The following EFCAB3 variants were observed in gnomAD, a reference collection of about 807,000 sequenced individuals.
EFCAB3 encodes EF-hand calcium-binding domain-containing protein 3.
A neutral mutation model predicts 42.2 loss-of-function variants in EFCAB3; 36 were observed. The observed-to-expected ratio is 0.85, with a 90% confidence interval of 0.65 to 1.13. The LOEUF is 1.13. Ranked by LOEUF, EFCAB3 falls within the 50% of genes most tolerant of loss-of-function variation. The probability of loss-of-function intolerance (pLI) is 0.00; values close to 1 mark genes in which losing one functional copy is unlikely to be tolerated. For synonymous variants in EFCAB3, 170 were observed against 172.8 expected, an observed-to-expected ratio of 0.98 and a Z score of 0.13; for missense variants, 418 against 505.1, an observed-to-expected ratio of 0.83 and a Z score of 1.65.
intron 2 of EFCAB3, among the ~76,000 whole-genome samples, chr17:62,387,040 C>T (rs140809034): frequency 6.9e-4 from 105 of 152,266 alleles, no homozygotes; most frequent in Admixed American, 1.4e-3. Context: ...GATCCTCTTG[C>T]CTTGACCTCC....
chr17:62,398,075 T>C, intron 6 of EFCAB3: 1 of 320,962 alleles, frequency 3.1e-6, no homozygotes, highest in South Asian at 3.6e-5. Flanking sequence ...TGCTTTAAGG[T>C]TGTCAAAGTG....
At chr17:62,410,521 AGGAAGGT>A (rs2070486141) in intron 8 of EFCAB3, among the ~76,000 whole-genome samples, 1 of 152,084 alleles carries the variant, frequency 6.6e-6, no homozygotes, top group African/African-American at 2.4e-5. Flanking sequence ...TAGGAGGCCA[AGGAAGGT>A]GGATTGCTTG....
At chr17:62,377,171 T>A (rs555541221), upstream of EFCAB3, among the ~76,000 whole-genome samples, 20 of 152,348 alleles carry the variant, frequency 1.3e-4, no homozygotes, top group East Asian at 3.7e-3. Flanking sequence ...ATAGGAAAGA[T>A]ATTTCTTCTT....
At chr17:62,397,712 G>T (rs1598014941) in intron 6 of EFCAB3, 1 of 519,802 alleles carries the variant, frequency 1.9e-6, no homozygotes, top group Non-Finnish European at 3.7e-6. Flanking sequence ...TAAAGTTCTT[G>T]TTGCTGGATT....
chr17:62,395,531 A>G (rs2070341659), intron 6 of EFCAB3, among the ~76,000 whole-genome samples: 1 of 152,186 alleles, frequency 6.6e-6, no homozygotes. Context: ...TTAGAAATCC[A>G]GTTTGGAATA....
At chr17:62,390,293 G>C (rs1251829965) in intron 3 of EFCAB3, among the ~76,000 whole-genome samples, 1 of 152,158 alleles carries the variant, frequency 6.6e-6, no homozygotes, top group African/African-American at 2.4e-5. Flanking sequence ...GAATATGAGA[G>C]AGGGGATGAG....
At chr17:62,400,086 G>T (rs1167419497) in intron 6 of EFCAB3, among the ~76,000 whole-genome samples, 1 of 152,028 alleles carries the variant, frequency 6.6e-6, no homozygotes, top group Non-Finnish European at 1.5e-5. Context: ...GCACAGAGAA[G>T]ATCACACTGG....
At chr17:62,400,570 G>A (rs1008210490) in intron 6 of EFCAB3, among the ~76,000 whole-genome samples, 15 of 151,910 alleles carry the variant, frequency 9.9e-5, no homozygotes, top group African/African-American at 2.9e-4. Context: ...ATCCTTTTTC[G>A]TGGCTGCATA....
chr17:62,388,444 A>G (rs1435672216), intron 3 of EFCAB3, among the ~76,000 whole-genome samples: 1 of 152,204 alleles, frequency 6.6e-6, no homozygotes, highest in Non-Finnish European at 1.5e-5. Flanking sequence ...AAAGGCCAGA[A>G]AAAAGGGAAA....
upstream of EFCAB3, among the ~76,000 whole-genome samples, chr17:62,375,565 T>C (rs2070143901): frequency 6.6e-6 from 1 of 152,248 alleles, no homozygotes; most frequent in South Asian, 2.1e-4. Context: ...ATATGCTCAA[T>C]AAATACTTGT....
At position 62,399,404 on chromosome 17, in the gene EFCAB3, G is replaced by A. The variant is rs557063881; in HGVS notation, c.488+4216G>A. On this transcript the variant is annotated intron_variant, in intron 6 of 9. Coordinates refer to ENST00000305286, the MANE Select transcript of EFCAB3 (RefSeq NM_173503.4). ...GCTGGTCTCAAACTCCTGGGCTCAA[G>A]AGATCTGCTCACCTCAGCCTCCCAA... Among the ~76,000 whole-genome samples the A allele has an allele frequency of 2.6e-5, 4 of 152,244 alleles. No homozygotes were observed. In the East Asian group the frequency reaches 5.8e-4, roughly 22 times the overall value.
intron 1 of EFCAB3, among the ~76,000 whole-genome samples, chr17:62,381,179 T>G (rs1006118106): frequency 5.1e-5 from 6 of 117,828 alleles, no homozygotes; most frequent in African/African-American, 2.0e-4. Context: ...CCCCAGTGTG[T>G]GATGTTCCCC....
At chr17:62,388,025 T>C (rs1200767928) in intron 3 of EFCAB3, among the ~76,000 whole-genome samples, 3 of 151,938 alleles carry the variant, frequency 2.0e-5, no homozygotes, top group Non-Finnish European at 4.4e-5. Flanking sequence ...GCTTGGCCAA[T>C]ATGGTGAAAC....
At chr17:62,389,943 C>T (rs998803011) in intron 3 of EFCAB3, among the ~76,000 whole-genome samples, 4 of 152,082 alleles carry the variant, frequency 2.6e-5, no homozygotes, top group East Asian at 1.9e-4. Context: ...CCCGCCACCA[C>T]GCTCAGCTAA....
intron 3 of EFCAB3, among the ~76,000 whole-genome samples, chr17:62,390,736 A>G (rs2070296016): frequency 6.6e-6 from 1 of 152,190 alleles, no homozygotes; most frequent in African/African-American, 2.4e-5. Context: ...TATCAAGGAG[A>G]AAGATGTTAC....
intron 1 of EFCAB3, chr17:62,381,958 G>T: frequency 3.5e-6 from 1 of 288,606 alleles, no homozygotes. Context: ...AAGATGAGGA[G>T]GAGGAGGAGG....
intron 6 of EFCAB3, 61 bp downstream of exon 6, chr17:62,395,249 T>C (rs1357337480): frequency 3.1e-6 from 5 of 1,592,338 alleles, no homozygotes; most frequent in African/African-American, 1.4e-5. Flanking sequence ...GATATTAACA[T>C]GGCAGTCAGC....
chr17:62,370,621 A>G (rs1417503346), intron 1 of EFCAB3, among the ~76,000 whole-genome samples: 1 of 151,412 alleles, frequency 6.6e-6, no homozygotes, highest in African/African-American at 2.4e-5. Flanking sequence ...GTGCCATTGC[A>G]CTCCAGCCTG....
chr17:62,377,955 T>C, upstream of EFCAB3: 4 of 1,544,122 alleles, frequency 2.6e-6, no homozygotes, highest in Non-Finnish European at 3.5e-6. Flanking sequence ...TGATTCTTAA[T>C]CTTGTCTTTA....
Sources: allele counts gnomAD v4.1 joint callset (sites outside exome capture counted in the v4.1 genomes callset), GRCh38; gene constraint gnomAD v4.1.1; transcripts MANE v1.5; gene names NCBI Gene and HGNC (gene_info 2026-07-23, HGNC 2026-07-21).